The following GPATCH11 variants were observed in gnomAD, a reference collection of about 807,000 sequenced individuals.
The protein encoded by GPATCH11 is G patch domain-containing protein 11.
A neutral mutation model predicts 44.8 loss-of-function variants in GPATCH11; 32 were observed. The ratio of observed to expected loss-of-function variants is 0.71; its 90% CI spans 0.54 to 0.96. GPATCH11 has a LOEUF of 0.96. Among genes scored for constraint, GPATCH11 ranks in the 40% least tolerant of loss-of-function variants. GPATCH11 has a pLI of 0.00. For missense variants in GPATCH11, 324 were observed against 303.1 expected (o/e 1.07, Z -0.51); for synonymous variants, 84 against 94.4 (o/e 0.89, Z 0.64).
In GPATCH11 at chr2:37,098,379, G is replaced by T. The variant is rs1401893139; in HGVS notation, c.*2116G>T. On this transcript the variant is annotated 3_prime_UTR_variant, in exon 9 of 9. Coordinates refer to ENST00000674370, the MANE Select transcript of GPATCH11 (RefSeq NM_174931.4). ...ATATATATATATATATAGAGAGAGAGAGAGAGAGAGAGCTATTAATAAAAC... is the reference window on the plus strand; with the variant it reads ...ATATATATATATATATAGAGAGAGATAGAGAGAGAGAGCTATTAATAAAAC... The T allele has an allele frequency of 4.0e-5, 6 of 150,390 alleles. No individual in the cohort carries two copies. The highest frequency in any genetic ancestry group is 8.9e-5 in the Non-Finnish European group (6 of 67,730). 9.3% of individuals were successfully genotyped at this position (150,390 alleles called of 1,614,324 possible).
Position 37,096,378 on chromosome 2 carries a change from T to TATA in GPATCH11, c.*116_*117insTAA. 8 of 672,566 alleles carry TATA rather than the reference T, an allele frequency of 1.2e-5. No individual in the cohort carries two copies. The South Asian group carries it at 1.2e-4, about 10-fold the overall frequency. The allele number at this position is 672,566 out of a possible 1,614,324, so 41.7% of individuals were successfully genotyped here. A position where few individuals can be genotyped will look rare whatever the true frequency, so the allele number is the denominator to read the frequency against. On this transcript the variant is annotated 3_prime_UTR_variant, in exon 9 of 9. Coordinates refer to ENST00000674370, the MANE Select transcript of GPATCH11 (RefSeq NM_174931.4). ...CCAGTAAAGAAAGGGGGACTTTATA[T>TATA]AATGTTTTGTTCTTTTTGTACTTTA... is the stretch of plus-strand genomic sequence containing the variant.
Position 37,090,724 on chromosome 2 carries a change from T to C in GPATCH11, c.328+2T>C, listed in dbSNP as rs1309420390. 1 of 1,410,782 alleles carries C rather than the reference T, an allele frequency of 7.1e-7. No individual in the cohort carries two copies. The allele number at this position is 1,410,782 out of a possible 1,614,324, so 87.4% of individuals were successfully genotyped here. A position where few individuals can be genotyped will look rare whatever the true frequency, so the allele number is the denominator to read the frequency against. ...CAATTCCTCTCAATATCAAAACAGG[T>C]ACGTAATTATTTTGGAGCATATTTG... On this transcript the variant is annotated splice_donor_variant, in intron 4 of 8. Transcript: ENST00000674370. LOFTEE classifies it high-confidence loss of function.
chr2:37,088,447 A>T lies in GPATCH11; in HGVS notation c.59+7A>T, dbSNP rs948505366. 4.2e-6 allele frequency: 6 copies of T among 1,430,722 alleles called. No homozygotes were observed. In the African/African-American group the frequency reaches 4.2e-5, roughly 10 times the overall value. 88.6% of individuals were successfully genotyped at this position (1,430,722 alleles called of 1,614,324 possible). On this transcript the variant is annotated splice_region_variant and intron_variant, in intron 2 of 8. Transcript: ENST00000674370. ...ATTCCTTCATTAATGTCCAGTAAGT[A>T]AATGTGCACACCCAGTGCAATGATA...
chr2:37,084,571 G>A lies in GPATCH11; in HGVS notation c.-14+1G>A, dbSNP rs995030431. ...ACCGGGGCGAGCAGAGAGCTGTCAG[G>A]TAAGAGAGCTGTCAGGTAAGGGTCT... On this transcript the variant is annotated splice_donor_variant, in intron 1 of 8. Transcript: ENST00000674370. LOFTEE classifies it low-confidence loss of function (5UTR_SPLICE). 4 of 1,232,194 alleles carry A rather than the reference G, an allele frequency of 3.2e-6. No homozygotes were observed. The highest frequency in any genetic ancestry group is 3.1e-5 in the African/African-American group (2 of 64,436). The allele number at this position is 1,232,194 out of a possible 1,614,324, so 76.3% of individuals were successfully genotyped here.
chr2:37,091,910 G>T lies in GPATCH11; in HGVS notation c.329-6G>T. Reference sequence around the variant, plus strand: ...TGTTTCTCATCAGAATTTTCTGTTTGAATAGGGAAAAGTGGCATTGGTCAT... The same window carrying T: ...TGTTTCTCATCAGAATTTTCTGTTTTAATAGGGAAAAGTGGCATTGGTCAT... On this transcript the variant is annotated splice_polypyrimidine_tract_variant and splice_region_variant and intron_variant, in intron 4 of 8. Coordinates refer to ENST00000674370, the MANE Select transcript of GPATCH11 (RefSeq NM_174931.4). The T allele has an allele frequency of 6.2e-7, 1 of 1,606,646 alleles. No individual in the cohort carries two copies. The highest frequency in any genetic ancestry group is 2.2e-5 in the East Asian group (1 of 44,726).
At chr2:37,095,635 C>G (rs1393281479) in intron 8 of GPATCH11, 117 bp downstream of exon 8, 2 of 1,134,412 alleles carry the variant, frequency 1.8e-6, no homozygotes, top group African/African-American at 3.3e-5. Flanking sequence ...AGTATGGGAC[C>G]AATTTCTTAA....
Position 37,094,105 on chromosome 2 carries a change from A to G in GPATCH11, c.564A>G (p.Ala188=). ...AGAATATTCAGGTTCCCAGGGAAGC[A>G]TGGTACTGGTTGAGGCTTGAAGAGG... is the stretch of plus-strand genomic sequence containing the variant. ...VQKNIQVPRE[A]WYWLRLEEET... Residue 188 remains alanine, a synonymous_variant, in exon 7 of 9, where the codon GCA becomes GCG. Coordinates refer to ENST00000674370, the MANE Select transcript of GPATCH11 (RefSeq NM_174931.4). The G allele has an allele frequency of 1.2e-5, 19 of 1,599,176 alleles. No homozygotes were observed. The highest frequency in any genetic ancestry group is 1.6e-5 in the Non-Finnish European group (19 of 1,172,092).
At chr2:37,087,057 C>T (rs1314497280) in intron 1 of GPATCH11, among the ~76,000 whole-genome samples, 1 of 152,154 alleles carries the variant, frequency 6.6e-6, no homozygotes, top group Non-Finnish European at 1.5e-5. Flanking sequence ...AAGAAGATGG[C>T]CATCCACAGC....
Position 37,096,307 on chromosome 2 carries a change from C to A in GPATCH11, c.*44C>A, listed in dbSNP as rs1206372194. 8.0e-7 allele frequency: 1 copy of A among 1,245,128 alleles called. No homozygotes were observed. The highest frequency in any genetic ancestry group is 1.1e-6 in the Non-Finnish European group (1 of 879,124). 77.1% of individuals were successfully genotyped at this position (1,245,128 alleles called of 1,614,324 possible). On this transcript the variant is annotated 3_prime_UTR_variant, in exon 9 of 9. Transcript: ENST00000674370. ...GGAAACTTGAAAAATGTTATTACTT[C>A]CTAGGGATAGACAATTTAGCAGTTG...
chr2:37,092,830 A>G (rs923603766), intron 6 of GPATCH11, among the ~76,000 whole-genome samples: 9 of 152,188 alleles, frequency 5.9e-5, no homozygotes, highest in African/African-American at 1.9e-4. Flanking sequence ...CCTATTCAGT[A>G]TCTAATATAT....
intron 6 of GPATCH11, 104 bp from the exon 7 acceptor site, chr2:37,093,978 A>G: frequency 1.3e-6 from 1 of 769,932 alleles, no homozygotes; most frequent in East Asian, 2.8e-5. Context: ...TTAAAGCCAC[A>G]CTCAGTGAAT....
Position 37,089,783 on chromosome 2 carries a change from A to G in GPATCH11, c.203A>G (p.Lys68Arg). The change falls in exon 3 of 9, where the codon AAG (lysine) becomes AGG (arginine). Residue 68 changes from lysine (K) to arginine (R), a missense_variant. Physicochemically the swap from Lys to Arg is conservative, Grantham distance 26 (BLOSUM62 2). Coordinates refer to ENST00000674370, the MANE Select transcript of GPATCH11 (RefSeq NM_174931.4). Reference protein sequence around the residue: ...EEQERRDIGLKNALGCENKGF... With the variant: ...EEQERRDIGLRNALGCENKGF... ...CAAGAAAGACGTGACATTGGGTTGAAGAATGCACTAGGCTGTGAAAACAAA... is the reference window on the plus strand; with the variant it reads ...CAAGAAAGACGTGACATTGGGTTGAGGAATGCACTAGGCTGTGAAAACAAA... 1 of 1,551,948 alleles carries G rather than the reference A, an allele frequency of 6.4e-7. No homozygotes were observed. Among genetic ancestry groups the G allele is most frequent in the Non-Finnish European group, 8.7e-7 (1 of 1,147,044 alleles).
chr2:37,098,341 T>C lies in GPATCH11; in HGVS notation c.*2078T>C, dbSNP rs1673691243. On this transcript the variant is annotated 3_prime_UTR_variant, in exon 9 of 9. Coordinates refer to ENST00000674370, the MANE Select transcript of GPATCH11 (RefSeq NM_174931.4). ...CTGTCTCAAAAAAAAAAATTATATA[T>C]ATATATGTATGTATATATATATATA... The C allele has an allele frequency of 1.6e-5, 2 of 126,574 alleles. No individual in the cohort carries two copies. The highest frequency in any genetic ancestry group is 9.2e-5 in the Admixed American group (1 of 10,830). The allele number at this position is 126,574 out of a possible 1,614,324, so 7.8% of individuals were successfully genotyped here.
Position 37,089,879 on chromosome 2 carries a change from T to A in GPATCH11, c.286+13T>A, listed in dbSNP as rs1391556583. ...CTTGGCAAGAGTGGTAAGTCACATG[T>A]GGAAATAAACAGGTATTCCTTACCA... On this transcript the variant is annotated intron_variant, in intron 3 of 8. Coordinates refer to ENST00000674370, the MANE Select transcript of GPATCH11 (RefSeq NM_174931.4). 3 of 1,530,856 alleles carry A rather than the reference T, an allele frequency of 2.0e-6. No homozygotes were observed. The highest frequency in any genetic ancestry group is 8.9e-7 in the Non-Finnish European group (1 of 1,128,926). 94.8% of individuals were successfully genotyped at this position (1,530,856 alleles called of 1,614,324 possible). A position where few individuals can be genotyped will look rare whatever the true frequency, so the allele number is the denominator to read the frequency against.
Position 37,097,251 on chromosome 2 carries a change from C to T in GPATCH11, c.*988C>T, listed in dbSNP as rs1255644909. 6.6e-6 allele frequency: 1 copy of T among 152,158 alleles called. No homozygotes were observed. The highest frequency in any genetic ancestry group is 1.5e-5 in the Non-Finnish European group (1 of 68,026). The allele number at this position is 152,158 out of a possible 1,614,324, so 9.4% of individuals were successfully genotyped here. On this transcript the variant is annotated 3_prime_UTR_variant, in exon 9 of 9. Coordinates refer to ENST00000674370, the MANE Select transcript of GPATCH11 (RefSeq NM_174931.4). ...AGAACTCACTGCTTTAAAACCATTC[C>T]ATTACTGGGTAGCTCTGAATTGTTT...
chr2:37,096,062 T>G, intron 8 of GPATCH11, 146 bp from the exon 9 acceptor site: 2 of 595,738 alleles, frequency 3.4e-6, no homozygotes, highest in Non-Finnish European at 5.9e-6. Context: ...GAGTGAAGCA[T>G]TTTTGGTTAT....
At chr2:37,092,412 CAT>C (rs570277160) in intron 6 of GPATCH11, among the ~76,000 whole-genome samples, 157 bp downstream of exon 6, 13 of 141,110 alleles carry the variant, frequency 9.2e-5, no homozygotes, top group Admixed American at 2.8e-4. Flanking sequence ...TTATATGTAT[CAT>C]ATATATTTAT....
intron 7 of GPATCH11, among the ~76,000 whole-genome samples, chr2:37,094,661 G>C (rs1367981305): frequency 6.6e-6 from 1 of 152,122 alleles, no homozygotes; most frequent in Non-Finnish European, 1.5e-5. Context: ...GAAAATGGAG[G>C]CCGGGCATGG....
At chr2:37,090,813 A>G in intron 4 of GPATCH11, 91 bp downstream of exon 4, 2 of 658,290 alleles carry the variant, frequency 3.0e-6, no homozygotes, top group Non-Finnish European at 5.2e-6. Flanking sequence ...CTTTTTTTTA[A>G]ATGATAATAC....
Sources: allele counts gnomAD v4.1 joint callset (sites outside exome capture counted in the v4.1 genomes callset), GRCh38; gene constraint gnomAD v4.1.1; transcripts MANE v1.5; gene names NCBI Gene and HGNC (gene_info 2026-07-23, HGNC 2026-07-21).